AP2A2: variants seen among roughly 807,000 people sequenced by gnomAD.
AP2A2 encodes the protein AP-2 complex subunit alpha-2.
A neutral mutation model predicts 104.2 loss-of-function variants in AP2A2; 32 were observed. The ratio of observed to expected loss-of-function variants is 0.31; its 90% CI spans 0.23 to 0.41. The LOEUF is 0.41. AP2A2 is among the 10% of genes least tolerant of loss of function. The pLI is 1.00. For missense variants in AP2A2, 912 were observed against 1,261.0 expected (o/e 0.72, Z 4.19); for synonymous variants, 539 against 533.3 (o/e 1.01, Z -0.15).
chr11:933,579 C>T lies in AP2A2; in HGVS notation c.67+7491C>T, dbSNP rs115481286. ...CAGGGTTGTAAGGGTCTGGCCAAGA[C>T]GCATAGAAGAAATAGCATGTGAGTA... On this transcript the variant is annotated intron_variant, in intron 1 of 21. Coordinates refer to ENST00000448903, the MANE Select transcript of AP2A2 (RefSeq NM_012305.4). The T allele has an allele frequency of 3.3e-3, 1,486 of 456,124 alleles. 29 individuals are homozygous for T. Among genetic ancestry groups the T allele is most frequent in the African/African-American group, 0.027 (1,368 of 50,100 alleles). The allele number at this position is 456,124 out of a possible 1,614,324, so 28.3% of individuals were successfully genotyped here. A position where few individuals can be genotyped will look rare whatever the true frequency, so the allele number is the denominator to read the frequency against.
rs892148747 is a variant in AP2A2, at chr11:959,853, C to T, written c.136+348C>T. Reference sequence around the variant, plus strand: ...GGCGCCACCGAACGCCTCCTGCTGACGGTCAACAGGGACCTGACCTGCGCT... The same window carrying T: ...GGCGCCACCGAACGCCTCCTGCTGATGGTCAACAGGGACCTGACCTGCGCT... On this transcript the variant is annotated intron_variant, in intron 2 of 21. Transcript: ENST00000448903. Among the ~76,000 whole-genome samples the T allele has an allele frequency of 5.9e-5, 9 of 152,290 alleles. No individual in the cohort carries two copies. The South Asian group carries it at 1.7e-3, about 28-fold the overall frequency.
intron 1 of AP2A2, among the ~76,000 whole-genome samples, chr11:951,622 C>T (rs1282629732): frequency 6.6e-6 from 1 of 152,138 alleles, no homozygotes; most frequent in Non-Finnish European, 1.5e-5. Flanking sequence ...TCACACTTCT[C>T]ATCACAGCTC....
At chr11:943,519 C>T (rs1161889022) in intron 1 of AP2A2, among the ~76,000 whole-genome samples, 1 of 152,186 alleles carries the variant, frequency 6.6e-6, no homozygotes, top group Non-Finnish European at 1.5e-5. Flanking sequence ...GTTTTTGCTT[C>T]TTCTTTCTTT....
chr11:992,387 C>A lies in AP2A2; in HGVS notation c.1270-116C>A, dbSNP rs558219003. ...GTTCAAGCTTCCTCCATGTCCCAAA[C>A]TTTTGTAGACACATTGAGGTGCTTC... On this transcript the variant is annotated intron_variant, in intron 10 of 21. Coordinates refer to ENST00000448903, the MANE Select transcript of AP2A2 (RefSeq NM_012305.4). This position sits in a 1 kb window ranked among gnomAD's most constrained non-coding sequence, Gnocchi z 6.4. 24 of 1,118,498 alleles carry A rather than the reference C, an allele frequency of 2.1e-5. No homozygotes were observed. In the East Asian group the frequency reaches 6.2e-4, roughly 29 times the overall value. The allele number at this position is 1,118,498 out of a possible 1,614,324, so 69.3% of individuals were successfully genotyped here.
chr11:1,000,846 ACTGT>A (rs1266632636), intron 15 of AP2A2, among the ~76,000 whole-genome samples: 3 of 151,510 alleles, frequency 2.0e-5, no homozygotes, highest in African/African-American at 7.3e-5. Flanking sequence ...AAAGAAACAC[ACTGT>A]CTGGGTGGTG....
chr11:926,759 G>C (rs1464959371), intron 1 of AP2A2, among the ~76,000 whole-genome samples: 1 of 152,180 alleles, frequency 6.6e-6, no homozygotes, highest in Non-Finnish European at 1.5e-5. Flanking sequence ...TCGGGGTGTG[G>C]GATGGCCTCG....
chr11:977,097 A>T lies in AP2A2; in HGVS notation c.476A>T (p.Asp159Val). 2 of 1,613,582 alleles carry T rather than the reference A, an allele frequency of 1.2e-6. No individual in the cohort carries two copies. The highest frequency in any genetic ancestry group is 1.7e-6 in the Non-Finnish European group (2 of 1,179,774). The change falls in exon 5 of 22, where the codon GAC (aspartate) becomes GTC (valine). Residue 159 changes from aspartate (D) to valine (V), a missense_variant and splice_region_variant. Physicochemically the swap from Asp to Val is radical, Grantham distance 152. Around this residue, in one of 7 missense-constraint regions of AP2A2, gnomAD observed 350 missense variants for 487.0 expected, o/e 0.72. Coordinates refer to ENST00000448903, the MANE Select transcript of AP2A2 (RefSeq NM_012305.4). The stretch of plus-strand genomic sequence containing the variant: ...GACTCTTGACGTCTGTCTTTCAGAG[A>T]CACTATGGACAGCGTGAAGCAGAGC... ...GEIPKVLVAG[D>V]TMDSVKQSAA...
chr11:935,087 C>G (rs1048280877), intron 1 of AP2A2, among the ~76,000 whole-genome samples: 1 of 141,318 alleles, frequency 7.1e-6, no homozygotes, highest in Non-Finnish European at 1.5e-5. Flanking sequence ...CTGAGTCTTC[C>G]TCTGTTGCCA....
In AP2A2 at chr11:988,624, C is replaced by A. The variant is rs1177769615; in HGVS notation, c.1204C>A (p.Pro402Thr). 1 of 1,613,530 alleles carries A rather than the reference C, an allele frequency of 6.2e-7. No homozygotes were observed. Among genetic ancestry groups the A allele is most frequent in the African/African-American group, 1.3e-5 (1 of 74,942 alleles). Residue 402 changes from proline (P) to threonine (T), a missense_variant, in exon 10 of 22, where the codon CCA becomes ACA. Coordinates refer to ENST00000448903, the MANE Select transcript of AP2A2 (RefSeq NM_012305.4). The part of the protein sequence containing the change: ...LYAMCDRSNA[P>T]QIVAEMLSYL... ...CGCCATGTGCGACCGCAGCAACGCC[C>A]CACAGATCGTGGCCGAGATGCTGAG...
At chr11:939,999 A>C (rs1224991974) in intron 1 of AP2A2, among the ~76,000 whole-genome samples, 13 of 126,208 alleles carry the variant, frequency 1.0e-4, no homozygotes, top group Non-Finnish European at 2.0e-4. Flanking sequence ...TCTGTCACCC[A>C]GGCTGTAGTG....
In AP2A2 at chr11:1,010,812, A is replaced by C; in HGVS notation, c.*187A>C. 1 of 667,430 alleles carries C rather than the reference A, an allele frequency of 1.5e-6. No homozygotes were observed. Among genetic ancestry groups the C allele is most frequent in the Non-Finnish European group, 2.7e-6 (1 of 367,338 alleles). The allele number at this position is 667,430 out of a possible 1,614,324, so 41.3% of individuals were successfully genotyped here. On this transcript the variant is annotated 3_prime_UTR_variant, in exon 22 of 22. Coordinates refer to ENST00000448903, the MANE Select transcript of AP2A2 (RefSeq NM_012305.4). ...CACACGTGTGTGGCTCAGGAGGAAA[A>C]GCTCAGCCTGGACTGTGGCAGCCAC...
chr11:993,980 A>C lies in AP2A2; in HGVS notation c.1777A>C (p.Ile593Leu). 2.5e-6 allele frequency: 4 copies of C among 1,610,816 alleles called. No homozygotes were observed. Among genetic ancestry groups the C allele is most frequent in the Non-Finnish European group, 3.4e-6 (4 of 1,178,156 alleles). ...LRLSTVASTD[I>L]LATVLEEMPP... ...GCTCAGCACCGTGGCCAGCACCGAC[A>C]TTCTGGTAGGAGGCCCCCGCCCTTC... The change falls in exon 13 of 22, where the codon ATT (isoleucine) becomes CTT (leucine). Residue 593 changes from isoleucine (I) to leucine (L), a missense_variant. By Grantham distance (5) the Ile-to-Leu change is conservative. Transcript: ENST00000448903. The surrounding 1 kb of genome is among the most constrained non-coding windows in gnomAD (Gnocchi z 8.2).
rs1854694005 is a variant in AP2A2, at chr11:968,378, G to A, written c.137-1791G>A. Among the ~76,000 whole-genome samples, 2 of 152,112 alleles carry A rather than the reference G, an allele frequency of 1.3e-5. No individual in the cohort carries two copies. On this transcript the variant is annotated intron_variant, in intron 2 of 21. Transcript: ENST00000448903. This position sits in a 1 kb window ranked among gnomAD's most constrained non-coding sequence, Gnocchi z 4.2. ...GCTCTTCGTCTGGGGTCCCGCGGGA[G>A]CAGAGGCTGGTCGGCTCCTCTCGGA...
intron 1 of AP2A2, among the ~76,000 whole-genome samples, chr11:934,844 T>C (rs2134460346): frequency 6.6e-6 from 1 of 152,148 alleles, no homozygotes; most frequent in East Asian, 1.9e-4. Flanking sequence ...AAATAGCAAG[T>C]ACGTGTTTCT....
intron 1 of AP2A2, among the ~76,000 whole-genome samples, chr11:926,852 A>T (rs1455241388): frequency 6.6e-6 from 1 of 152,094 alleles, no homozygotes; most frequent in Non-Finnish European, 1.5e-5. Context: ...CCAAACCGTT[A>T]AACAAGCCAG....
intron 5 of AP2A2, among the ~76,000 whole-genome samples, chr11:979,772 G>A (rs1855178707): frequency 6.6e-6 from 1 of 152,142 alleles, no homozygotes; most frequent in Non-Finnish European, 1.5e-5. Flanking sequence ...TCACCGTGTT[G>A]GCCAGGCTGG....
chr11:937,998 A>T (rs115329438), intron 1 of AP2A2, among the ~76,000 whole-genome samples: 4,337 of 152,304 alleles, frequency 0.028, 212 homozygotes, highest in African/African-American at 0.097. Context: ...AGCACCAGGC[A>T]GCCAGGTTAT....
chr11:969,583 A>G (rs761584839), intron 2 of AP2A2, among the ~76,000 whole-genome samples: 2 of 151,998 alleles, frequency 1.3e-5, no homozygotes, highest in Non-Finnish European at 2.9e-5. Flanking sequence ...TATTCTGCCA[A>G]TTACATGTTT....
At chr11:970,575 G>A (rs1854784973) in intron 3 of AP2A2, among the ~76,000 whole-genome samples, 1 of 152,282 alleles carries the variant, frequency 6.6e-6, no homozygotes, top group Non-Finnish European at 1.5e-5. Context: ...CGGTTTTCCT[G>A]ATGAGGTGGC....
Sources: allele counts gnomAD v4.1 joint callset (sites outside exome capture counted in the v4.1 genomes callset), GRCh38; gene constraint gnomAD v4.1.1; regional missense constraint gnomAD v4.1.1; non-coding constraint Gnocchi (gnomAD v3.1); transcripts MANE v1.5; gene names NCBI Gene and HGNC (gene_info 2026-07-23, HGNC 2026-07-21).